ZNF211: variants seen among roughly 807,000 people sequenced by gnomAD.
ZNF211 encodes zinc finger protein C2H2-25.
Under a neutral mutation model 12.1 loss-of-function variants are expected in ZNF211, and 18 were observed. The observed-to-expected ratio is 1.48, with a 90% CI of 1.03 to 2.20. The LOEUF (loss-of-function observed/expected upper bound fraction) is 2.20, where lower values mean the gene tolerates loss of function less well. Among genes scored for constraint, ZNF211 ranks in the 30% most tolerant of loss-of-function variants. The pLI is 0.00. For synonymous variants in ZNF211, 249 were observed against 246.0 expected (o/e 1.01, Z -0.11); for missense variants, 677 against 703.1 (o/e 0.96, Z 0.42).
intron 3 of ZNF211, among the ~76,000 whole-genome samples, chr19:57,635,396 A>C (rs1294543296): frequency 6.6e-6 from 1 of 152,198 alleles, no homozygotes; most frequent in Non-Finnish European, 1.5e-5. Context: ...GTACTCATTA[A>C]ATAATAACTC....
Position 57,641,677 on chromosome 19 carries a change from T to C in ZNF211, c.1230T>C (p.His410=), listed in dbSNP as rs1982968930. The C allele has an allele frequency of 6.2e-7, 1 of 1,613,778 alleles. No homozygotes were observed. Among genetic ancestry groups the C allele is most frequent in the African/African-American group, 1.3e-5 (1 of 74,864 alleles). The change falls in exon 4 of 4, where the codon CAT becomes CAC. Residue 410 remains histidine, a synonymous_variant. Coordinates refer to ENST00000240731, the MANE Select transcript of ZNF211 (RefSeq NM_006385.5). The part of the protein sequence containing the change: ...HQRVHTGERP[H]ECNECGKSFS... ...GAGTTCACACTGGAGAAAGACCTCA[T>C]GAGTGCAATGAATGTGGAAAATCCT...
At chr19:57,639,403 A>G (rs4801505) in intron 3 of ZNF211, among the ~76,000 whole-genome samples, 9,329 of 19,812 alleles carry the variant, frequency 0.47, 1,511 homozygotes, top group East Asian at 0.57. Flanking sequence ...CATTTCCTTT[A>G]TGTACTTTTT....
intron 3 of ZNF211, among the ~76,000 whole-genome samples, chr19:57,638,789 G>A (rs756185272): frequency 6.6e-6 from 1 of 152,174 alleles, no homozygotes; most frequent in Non-Finnish European, 1.5e-5. Context: ...CCGCTGCTGA[G>A]AGTCAGGTAT....
chr19:57,637,680 A>G (rs1982314803), intron 3 of ZNF211, among the ~76,000 whole-genome samples: 2 of 152,174 alleles, frequency 1.3e-5, no homozygotes, highest in Admixed American at 6.6e-5. Context: ...TGCATTAATA[A>G]TCATCAAGGA....
Position 57,642,106 on chromosome 19 carries a change from T to C in ZNF211, c.1659T>C (p.Ser553=). 6.2e-7 allele frequency: 1 copy of C among 1,614,018 alleles called. No individual in the cohort carries two copies. Among genetic ancestry groups the C allele is most frequent in the Admixed American group, 1.7e-5 (1 of 60,010 alleles). Residue 553 remains serine (S), a synonymous_variant, in exon 4 of 4, where the codon AGT becomes AGC. Coordinates refer to ENST00000240731, the MANE Select transcript of ZNF211 (RefSeq NM_006385.5). ...VHTGKRPYQC[S]QCGKSFGCKS... ...CGGGAAAAAGGCCTTATCAGTGCAGTCAATGTGGGAAATCCTTTGGCTGCA... is the reference window on the plus strand; with the variant it reads ...CGGGAAAAAGGCCTTATCAGTGCAGCCAATGTGGGAAATCCTTTGGCTGCA...
rs544726019 is a variant in ZNF211, at chr19:57,633,522, G to A, written c.90+86G>A. 543 of 1,500,418 alleles carry A rather than the reference G, an allele frequency of 3.6e-4. 7 individuals are homozygous for A. The South Asian group carries it at 6.6e-3, about 18-fold the overall frequency. The allele number at this position is 1,500,418 out of a possible 1,614,324, so 92.9% of individuals were successfully genotyped here. On this transcript the variant is annotated intron_variant, in intron 1 of 3. Coordinates refer to ENST00000240731, the MANE Select transcript of ZNF211 (RefSeq NM_006385.5). ...ACCAGCTCACGTCTCTGTAGCACAGGGTCGGGGACACTGAGGCTCGTGGGT... is the reference window on the plus strand; with the variant it reads ...ACCAGCTCACGTCTCTGTAGCACAGAGTCGGGGACACTGAGGCTCGTGGGT...
rs969624522 is a variant in ZNF211, at chr19:57,634,748, C to T, written c.249C>T (p.Ser83=). 2 of 1,595,744 alleles carry T rather than the reference C, an allele frequency of 1.3e-6. No individual in the cohort carries two copies. The highest frequency in any genetic ancestry group is 1.7e-6 in the Non-Finnish European group (2 of 1,170,014). Residue 83 remains serine (S), a synonymous_variant, in exon 3 of 4, where the codon TCC becomes TCT. Coordinates refer to ENST00000240731, the MANE Select transcript of ZNF211 (RefSeq NM_006385.5). ...TGCTGGAGAACTTTGCACTTACGTC[C>T]TCCCTGGGTAAGGCCCTCATACTCA... ...DVMLENFALT[S]SLGCWCGVEH...
chr19:57,641,967 C>A lies in ZNF211; in HGVS notation c.1520C>A (p.Ser507Tyr). ...TGTAGCAAATCCTTTAGCTGTAAAT[C>A]TAACCTCATTAAACACCTGAGAGTT... Reference protein sequence around the residue: ...SECSKSFSCKSNLIKHLRVHT... With the variant: ...SECSKSFSCKYNLIKHLRVHT... The change falls in exon 4 of 4, where the codon TCT becomes TAT. Residue 507 changes from serine to tyrosine, a missense_variant. Ser to Tyr is a moderately radical substitution (Grantham distance 144). Coordinates refer to ENST00000240731, the MANE Select transcript of ZNF211 (RefSeq NM_006385.5). 1 of 1,613,944 alleles carries A rather than the reference C, an allele frequency of 6.2e-7. No individual in the cohort carries two copies.
chr19:57,641,408 A>G lies in ZNF211; in HGVS notation c.961A>G (p.Thr321Ala), dbSNP rs1982918532. Residue 321 changes from threonine to alanine, a missense_variant, in exon 4 of 4, where the codon ACT becomes GCT. Thr to Ala is a moderately conservative substitution (Grantham distance 58). Coordinates refer to ENST00000240731, the MANE Select transcript of ZNF211 (RefSeq NM_006385.5). Reference protein sequence around the residue: ...SSFIIHQRVHTGERPYACPEC... With the variant: ...SSFIIHQRVHAGERPYACPEC... ...TTTCATTATACATCAGAGAGTTCAT[A>G]CTGGAGAAAGGCCTTATGCGTGCCC... is the stretch of plus-strand genomic sequence containing the variant. 4 of 1,609,996 alleles carry G rather than the reference A, an allele frequency of 2.5e-6. No individual in the cohort carries two copies. The highest frequency in any genetic ancestry group is 3.4e-6 in the Non-Finnish European group (4 of 1,177,152).
At chr19:57,633,975 G>T in intron 1 of ZNF211, 48 bp from the exon 2 acceptor site, 1 of 1,599,710 alleles carries the variant, frequency 6.3e-7, no homozygotes, top group Non-Finnish European at 8.5e-7. Context: ...CTGTGCCCAT[G>T]GAGCACTGCC....
chr19:57,634,671 G>A lies in ZNF211; in HGVS notation c.172G>A (p.Glu58Lys), dbSNP rs758088704. Residue 58 changes from glutamate to lysine, a missense_variant, in exon 3 of 4, where the codon GAG becomes AAG. Glu to Lys is a moderately conservative substitution (Grantham distance 56, BLOSUM62 1). Coordinates refer to ENST00000240731, the MANE Select transcript of ZNF211 (RefSeq NM_006385.5). ...AGATGTGGCCGTGTACTTCTCCTGG[G>A]AGGAATGGGATCTCCTTGATGAGGC... is the stretch of plus-strand genomic sequence containing the variant. ...FEDVAVYFSW[E>K]EWDLLDEAQK... The A allele has an allele frequency of 6.2e-7, 1 of 1,604,012 alleles. No homozygotes were observed. The highest frequency in any genetic ancestry group is 1.1e-5 in the South Asian group (1 of 90,080).
Position 57,633,648 on chromosome 19 carries a change from G to A in ZNF211, c.90+212G>A. 7 of 1,534,154 alleles carry A rather than the reference G, an allele frequency of 4.6e-6. No individual in the cohort carries two copies. The South Asian group carries it at 8.4e-5, about 18-fold the overall frequency. On this transcript the variant is annotated intron_variant, in intron 1 of 3. Transcript: ENST00000240731. ...GGGCAACCGAGAAGGGGGCATTCAG[G>A]AACCTGGGCTCCACATTGTTACTGC...
chr19:57,633,724 C>G (rs770026488), intron 1 of ZNF211: 4 of 1,533,190 alleles, frequency 2.6e-6, no homozygotes, highest in Non-Finnish European at 3.5e-6. Context: ...GCCGTGGGAG[C>G]CATAGAGAGC....
In ZNF211 at chr19:57,643,000, G is replaced by T. The variant is rs1388313934; in HGVS notation, c.*819G>T. On this transcript the variant is annotated 3_prime_UTR_variant, in exon 4 of 4. Transcript: ENST00000240731. ...CAGGATATTATGGTCTTAATTCGTG[G>T]ACTGGATGCAAGGATTTTTTGTGGG... Among the ~76,000 whole-genome samples, 1 of 152,102 alleles carries T rather than the reference G, an allele frequency of 6.6e-6. No homozygotes were observed. The highest frequency in any genetic ancestry group is 2.4e-5 in the African/African-American group (1 of 41,406).
At chr19:57,639,570 C>G (rs1187049320) in intron 3 of ZNF211, among the ~76,000 whole-genome samples, 5 of 150,548 alleles carry the variant, frequency 3.3e-5, no homozygotes, top group Non-Finnish European at 7.4e-5. Flanking sequence ...GGATTACAAA[C>G]GCACACCACC....
intron 3 of ZNF211, among the ~76,000 whole-genome samples, chr19:57,637,717 C>T (rs758786702): frequency 1.3e-5 from 2 of 152,094 alleles, no homozygotes; most frequent in Non-Finnish European, 2.9e-5. Context: ...TATTTTCTTA[C>T]ACAATCTTTG....
intron 3 of ZNF211, among the ~76,000 whole-genome samples, chr19:57,639,416 T>G: frequency 2.1e-5 from 1 of 47,454 alleles, no homozygotes; most frequent in Non-Finnish European, 4.8e-5. Context: ...TACTTTTTTT[T>G]TTTTTTTTTT....
In ZNF211 at chr19:57,641,250, G is replaced by A; in HGVS notation, c.803G>A (p.Gly268Glu). The change falls in exon 4 of 4, where the codon GGA (glycine) becomes GAA (glutamate). Residue 268 changes from glycine (G) to glutamate (E), a missense_variant. Physicochemically the swap from Gly to Glu is moderately conservative, Grantham distance 98. Coordinates refer to ENST00000240731, the MANE Select transcript of ZNF211 (RefSeq NM_006385.5). ...GACCAGAGAATCCTCACTAGAGAAG[G>A]ACTTTTTGAGTGCAGTAAATGTGGG... The part of the protein sequence containing the change: ...VQDQRILTRE[G>E]LFECSKCGKA... 1.2e-6 allele frequency: 2 copies of A among 1,614,236 alleles called. No homozygotes were observed. The highest frequency in any genetic ancestry group is 1.7e-6 in the Non-Finnish European group (2 of 1,180,032).
In ZNF211 at chr19:57,634,633, G is replaced by T; in HGVS notation, c.134G>T (p.Ser45Ile). The change falls in exon 3 of 4, where the codon AGT (serine) becomes ATT (isoleucine). Residue 45 changes from serine to isoleucine, a missense_variant. Coordinates refer to ENST00000240731, the MANE Select transcript of ZNF211 (RefSeq NM_006385.5). ...CATCAATCCCTATTATGCTAGGGAA[G>T]TGTGACCTTTGAAGATGTGGCCGTG... ...TEVLFKLTQGSVTFEDVAVYF... is the reference protein window; with the variant it reads ...TEVLFKLTQGIVTFEDVAVYF... 6.3e-7 allele frequency: 1 copy of T among 1,587,172 alleles called. No individual in the cohort carries two copies. Among genetic ancestry groups the T allele is most frequent in the Non-Finnish European group, 8.6e-7 (1 of 1,166,522 alleles).
Sources: gnomAD v4.1 joint callset for allele counts (sites outside exome capture counted in the v4.1 genomes callset) on GRCh38, gnomAD v4.1.1 for gene constraint, MANE v1.5 for transcripts, NCBI Gene and HGNC (gene_info 2026-07-23, HGNC 2026-07-21) for gene names.